The following PEMT variants were observed in gnomAD, a reference collection of about 807,000 sequenced individuals.
The protein encoded by PEMT is phospholipid methyltransferase.
Under a neutral mutation model 27.4 loss-of-function variants are expected in PEMT, and 23 were observed. The ratio of observed to expected loss-of-function variants is 0.84; its 90% CI spans 0.60 to 1.19. The LOEUF is 1.19. Ranked by LOEUF, PEMT falls within the 50% of genes most tolerant of loss-of-function variation. The pLI is 0.00. For missense variants in PEMT, 307 were observed against 310.1 expected, an observed-to-expected ratio of 0.99 and a Z score of 0.07; for synonymous variants, 137 against 139.1, an observed-to-expected ratio of 0.98 and a Z score of 0.11.
intron 1 of PEMT, among the ~76,000 whole-genome samples, chr17:17,578,192 CAG>C (rs945751837): frequency 1.4e-5 from 2 of 148,044 alleles, no homozygotes; most frequent in African/African-American, 5.0e-5. Flanking sequence ...TTTTTTGAGA[CAG>C]AGTCTCCCTC....
chr17:17,569,143 C>T (rs977431726), intron 2 of PEMT, among the ~76,000 whole-genome samples: 8 of 152,146 alleles, frequency 5.3e-5, no homozygotes, highest in African/African-American at 1.9e-4. Context: ...CAGGAAAGTC[C>T]CCGGCCAGAG....
Position 17,520,127 on chromosome 17 carries a change from A to C in PEMT, c.320+2153T>G, listed in dbSNP as rs989483084. On this transcript the variant is annotated intron_variant, in intron 3 of 6. Coordinates refer to ENST00000255389, the MANE Select transcript of PEMT (RefSeq NM_148172.3). ...GGGGGACTCCAAGCTCTGAGCGTTC[A>C]GTCGGCCAGCACCAGCCCCCTCCCT... is the stretch of plus-strand genomic sequence containing the variant. Among the ~76,000 whole-genome samples, 5 of 152,284 alleles carry C rather than the reference A, an allele frequency of 3.3e-5. No homozygotes were observed. In the East Asian group the frequency reaches 5.8e-4, roughly 18 times the overall value.
intron 2 of PEMT, among the ~76,000 whole-genome samples, chr17:17,532,225 G>C (rs1486842850): frequency 6.6e-6 from 1 of 152,008 alleles, no homozygotes; most frequent in African/African-American, 2.4e-5. Context: ...ATCAAATAAA[G>C]GCATTCAGAT....
At chr17:17,569,337 G>A in intron 2 of PEMT, among the ~76,000 whole-genome samples, 1 of 152,178 alleles carries the variant, frequency 6.6e-6, no homozygotes, top group East Asian at 1.9e-4. Context: ...CGGCCCAATG[G>A]AGCGAGAGGT....
intron 2 of PEMT, 85 bp from the exon 3 acceptor site, chr17:17,522,480 TC>T: frequency 1.2e-6 from 1 of 848,598 alleles, no homozygotes; most frequent in Non-Finnish European, 2.0e-6. Context: ...TCTCTCTGCT[TC>T]CCAGGCTCCA....
chr17:17,558,676 T>C, intron 2 of PEMT, among the ~76,000 whole-genome samples: 1 of 111,380 alleles, frequency 9.0e-6, no homozygotes. Flanking sequence ...TGAGAACCAG[T>C]CTCACGAAAA....
intron 2 of PEMT, among the ~76,000 whole-genome samples, chr17:17,532,147 A>T (rs1377087304): frequency 6.6e-6 from 1 of 152,236 alleles, no homozygotes; most frequent in Non-Finnish European, 1.5e-5. Context: ...CAATGAAAGG[A>T]CGTTCACTCT....
intron 2 of PEMT, among the ~76,000 whole-genome samples, chr17:17,559,131 G>A (rs1040798114): frequency 9.2e-5 from 14 of 152,136 alleles, no homozygotes; most frequent in African/African-American, 2.9e-4. Context: ...CCAGAGGCCC[G>A]GTATGACCCG....
At chr17:17,580,493 C>CAAA (rs930172787) in intron 1 of PEMT, among the ~76,000 whole-genome samples, 1 of 151,950 alleles carries the variant, frequency 6.6e-6, no homozygotes, top group African/African-American at 2.4e-5. Context: ...AAAACAAAAA[C>CAAA]AAAAAACACG....
rs1567759337 is a variant in PEMT at position 17,586,271 on chromosome 17, AG to A, written c.96+5259del. 2.9e-3 allele frequency among the ~76,000 whole-genome samples: 339 copies of A among 117,298 alleles called. 5 individuals carry two copies. The highest frequency in any genetic ancestry group is 0.012 in the Middle Eastern group (3 of 252). 77.0% of individuals were successfully genotyped at this position (117,298 alleles called of 152,430 possible). A position where few individuals can be genotyped will look rare whatever the true frequency, so the allele number is the denominator to read the frequency against. On this transcript the variant is annotated intron_variant, in intron 1 of 6. Coordinates refer to ENST00000255389, the MANE Select transcript of PEMT (RefSeq NM_148172.3). ...AAGAAAGAAAGAAAGAAAGAAAGAAAGAAAGAAAGAAAGAAAGAAAAAAAAA... is the reference window on the plus strand; with the variant it reads ...AAGAAAGAAAGAAAGAAAGAAAGAAAAAAGAAAGAAAGAAAGAAAAAAAAA...
At chr17:17,586,189 AGAAG>A (rs1256766458) in intron 1 of PEMT, among the ~76,000 whole-genome samples, 5 of 147,976 alleles carry the variant, frequency 3.4e-5, no homozygotes, top group South Asian at 2.1e-4. Flanking sequence ...AAAAAGAAAA[AGAAG>A]GAAGGAAAGA....
chr17:17,580,785 G>C (rs1481051376), intron 1 of PEMT, among the ~76,000 whole-genome samples: 1 of 152,006 alleles, frequency 6.6e-6, no homozygotes, highest in Non-Finnish European at 1.5e-5. Context: ...TGGCCCATCT[G>C]TTATTCCGCC....
chr17:17,528,797 C>T (rs1907884260), intron 2 of PEMT, among the ~76,000 whole-genome samples: 1 of 152,210 alleles, frequency 6.6e-6, no homozygotes, highest in Non-Finnish European at 1.5e-5. Flanking sequence ...GATTCAGGAT[C>T]CCCCAGTCCC....
intron 2 of PEMT, among the ~76,000 whole-genome samples, chr17:17,543,480 TC>T (rs1199907128): frequency 6.6e-6 from 1 of 152,070 alleles, no homozygotes; most frequent in African/African-American, 2.4e-5. Flanking sequence ...GCCACCTGGA[TC>T]CCGGGCCCTC....
At chr17:17,542,807 G>A (rs1243161221) in intron 2 of PEMT, among the ~76,000 whole-genome samples, 1 of 152,196 alleles carries the variant, frequency 6.6e-6, no homozygotes, top group Non-Finnish European at 1.5e-5. Context: ...AGCCTGCAGG[G>A]ACTGGGCCGC....
intron 2 of PEMT, among the ~76,000 whole-genome samples, chr17:17,567,427 T>G (rs1382948094): frequency 2.6e-5 from 4 of 152,272 alleles, no homozygotes. Flanking sequence ...CCAGCTCAGC[T>G]GCCATTCAGA....
intron 2 of PEMT, among the ~76,000 whole-genome samples, chr17:17,549,264 A>G (rs768580519): frequency 2.6e-5 from 4 of 152,140 alleles, no homozygotes; most frequent in Non-Finnish European, 5.9e-5. Context: ...ATCTTGGCTC[A>G]CTGCAACCTC....
chr17:17,517,486 C>T (rs571790502), intron 3 of PEMT, among the ~76,000 whole-genome samples: 121 of 152,334 alleles, frequency 7.9e-4, no homozygotes, highest in South Asian at 3.7e-3. Flanking sequence ...AGCCGCTCAA[C>T]CCCCGGCCTG....
chr17:17,509,709 C>A (rs1906208048), intron 4 of PEMT, among the ~76,000 whole-genome samples, 164 bp from the exon 5 acceptor site: 1 of 152,166 alleles, frequency 6.6e-6, no homozygotes, highest in Non-Finnish European at 1.5e-5. Flanking sequence ...TCAGAGGGAC[C>A]CAACAGGCAC....
Sources: gnomAD v4.1 joint callset for allele counts (sites outside exome capture counted in the v4.1 genomes callset) on GRCh38, gnomAD v4.1.1 for gene constraint, MANE v1.5 for transcripts, NCBI Gene and HGNC (gene_info 2026-07-23, HGNC 2026-07-21) for gene names.